The following EPB41L2 variants were observed in gnomAD, a reference collection of about 807,000 sequenced individuals.
The protein encoded by EPB41L2 is band 4.1-like protein 2.
A neutral mutation model predicts 113.0 loss-of-function variants in EPB41L2; 43 were observed. The ratio of observed to expected loss-of-function variants is 0.38; its 90% CI spans 0.30 to 0.49. The LOEUF (loss-of-function observed/expected upper bound fraction) is 0.49. EPB41L2 is among the 20% of genes least tolerant of loss of function. The pLI is 0.95. For missense variants in EPB41L2, 1,147 were observed against 1,223.4 expected (o/e 0.94, Z 0.93); for synonymous variants, 442 against 436.7 (o/e 1.01, Z -0.15).
chr6:131,030,696 T>C (rs894252481), intron 1 of EPB41L2, among the ~76,000 whole-genome samples: 1 of 152,192 alleles, frequency 6.6e-6, no homozygotes, highest in Non-Finnish European at 1.5e-5. Flanking sequence ...TAGTCAAACA[T>C]AATTACATGT....
chr6:130,903,398 TAA>T (rs35123540), intron 6 of EPB41L2, among the ~76,000 whole-genome samples: 5 of 142,142 alleles, frequency 3.5e-5, no homozygotes, highest in East Asian at 2.0e-4. Flanking sequence ...ACAAGTAGTT[TAA>T]AAAAAAAAAA....
chr6:131,001,357 A>G (rs755289188), intron 1 of EPB41L2, among the ~76,000 whole-genome samples: 9 of 152,220 alleles, frequency 5.9e-5, no homozygotes, highest in Non-Finnish European at 1.3e-4. Context: ...GCGAACAAGC[A>G]TGTGCAGGCA....
chr6:130,845,396 G>C (rs1776726206), intron 19 of EPB41L2, among the ~76,000 whole-genome samples: 1 of 150,794 alleles, frequency 6.6e-6, no homozygotes, highest in African/African-American at 2.4e-5. Flanking sequence ...TTTTTTTTTA[G>C]AGGCAGGGTC....
At chr6:130,949,285 T>C (rs922496670) in intron 3 of EPB41L2, among the ~76,000 whole-genome samples, 4 of 151,946 alleles carry the variant, frequency 2.6e-5, no homozygotes, top group Non-Finnish European at 5.9e-5. Flanking sequence ...ATCACACCTA[T>C]AAAAAATCCA....
intron 1 of EPB41L2, among the ~76,000 whole-genome samples, chr6:130,969,770 A>G (rs1776292029): frequency 1.3e-5 from 2 of 152,142 alleles, no homozygotes. Context: ...TTACTCTTTA[A>G]GATGCTAAAA....
intron 7 of EPB41L2, among the ~76,000 whole-genome samples, chr6:130,900,107 T>A (rs955401015): frequency 2.0e-5 from 3 of 152,192 alleles, no homozygotes; most frequent in Non-Finnish European, 4.4e-5. Context: ...CAAGATCATG[T>A]CCCATTAATT....
intron 1 of EPB41L2, chr6:130,970,527 C>A (rs1001483951): frequency 1.3e-5 from 2 of 152,184 alleles, no homozygotes; most frequent in Non-Finnish European, 2.9e-5. Context: ...CTGTTTTACC[C>A]ACTGAATGAA....
At chr6:130,909,328 G>A (rs1009553903) in intron 4 of EPB41L2, among the ~76,000 whole-genome samples, 3 of 150,956 alleles carry the variant, frequency 2.0e-5, no homozygotes, top group East Asian at 1.9e-4. Flanking sequence ...CTCCTAAAAC[G>A]AACTACTCCT....
At chr6:130,889,787 TA>T (rs1792184460) in intron 11 of EPB41L2, among the ~76,000 whole-genome samples, 1 of 152,222 alleles carries the variant, frequency 6.6e-6, no homozygotes. Context: ...CAACATCTCA[TA>T]AATGAGAACT....
intron 16 of EPB41L2, chr6:130,865,933 A>G (rs1317319776): frequency 7.3e-6 from 2 of 273,410 alleles, no homozygotes; most frequent in African/African-American, 2.2e-5. Flanking sequence ...GGACTTTTGC[A>G]CAAGCTAGAA....
At chr6:131,033,828 T>C (rs369527732) in intron 1 of EPB41L2, among the ~76,000 whole-genome samples, 1 of 152,210 alleles carries the variant, frequency 6.6e-6, no homozygotes, top group African/African-American at 2.4e-5. Flanking sequence ...GAGTCTGTGT[T>C]TGTGATGATG....
chr6:130,852,854 G>C (rs1779164574), intron 19 of EPB41L2, among the ~76,000 whole-genome samples: 1 of 152,070 alleles, frequency 6.6e-6, no homozygotes, highest in African/African-American at 2.4e-5. Context: ...ACTGTTCTTG[G>C]AGCATCAGGT....
chr6:130,891,411 CTTTA>C (rs1368146930), intron 10 of EPB41L2, among the ~76,000 whole-genome samples: 2 of 129,844 alleles, frequency 1.5e-5, no homozygotes, highest in African/African-American at 2.9e-5. Flanking sequence ...AGGGTGTCAG[CTTTA>C]TTTATTTATT....
At chr6:130,872,155 GA>G (rs1474248820) in intron 14 of EPB41L2, among the ~76,000 whole-genome samples, 2 of 151,546 alleles carry the variant, frequency 1.3e-5, no homozygotes, top group Non-Finnish European at 2.9e-5. Context: ...AATTTAGGCA[GA>G]TTTTTTTTTT....
intron 1 of EPB41L2, among the ~76,000 whole-genome samples, chr6:131,010,018 T>A (rs1786544206): frequency 6.6e-6 from 1 of 152,244 alleles, no homozygotes; most frequent in Non-Finnish European, 1.5e-5. Context: ...GCACCAATGC[T>A]CTGTTAGTGG....
At chr6:131,006,907 C>T (rs1300814066) in intron 1 of EPB41L2, among the ~76,000 whole-genome samples, 4 of 152,068 alleles carry the variant, frequency 2.6e-5, no homozygotes, top group Non-Finnish European at 2.9e-5. Flanking sequence ...CTTCCCAGTG[C>T]CCCAGTCTTC....
rs1816328530 is a variant in EPB41L2 at position 130,954,036 on chromosome 6, C to CTTTTTTTTTTT, written c.705+1068_705+1069insAAAAAAAAAAA. Among the ~76,000 whole-genome samples the CTTTTTTTTTTT allele has an allele frequency of 1.8e-4, 8 of 45,526 alleles. 1 individual carries two copies. Among genetic ancestry groups the CTTTTTTTTTTT allele is most frequent in the African/African-American group, 4.1e-4 (7 of 17,182 alleles). The allele number at this position is 45,526 out of a possible 152,430, so 29.9% of individuals were successfully genotyped here. A position where few individuals can be genotyped will look rare whatever the true frequency, so the allele number is the denominator to read the frequency against. On this transcript the variant is annotated intron_variant, in intron 3 of 19. Transcript: ENST00000337057. ...TTAATCCTCTTTTGCTAGTCCTTTT[C>CTTTTTTTTTTT]TTTCTTTTTTTTTTTTTTTTTTTTT...
chr6:130,885,461 T>C (rs1404905504), intron 11 of EPB41L2, among the ~76,000 whole-genome samples, 193 bp from the exon 12 acceptor site: 1 of 152,162 alleles, frequency 6.6e-6, no homozygotes, highest in East Asian at 1.9e-4. Context: ...TCTGAAAGTA[T>C]TCTGAATTTT....
At chr6:130,950,115 G>A (rs1814361429) in intron 3 of EPB41L2, among the ~76,000 whole-genome samples, 2 of 152,116 alleles carry the variant, frequency 1.3e-5, no homozygotes, top group South Asian at 4.2e-4. Flanking sequence ...AGGGTCAACT[G>A]TATTTCAAAT....
Sources: gnomAD v4.1 joint callset for allele counts (sites outside exome capture counted in the v4.1 genomes callset) on GRCh38, gnomAD v4.1.1 for gene constraint, MANE v1.5 for transcripts, NCBI Gene and HGNC (gene_info 2026-07-23, HGNC 2026-07-21) for gene names.